The following TSPEAR variants were observed in gnomAD, a reference collection of about 807,000 sequenced individuals.
TSPEAR encodes thrombospondin type laminin G domain and EAR repeats.
In TSPEAR, 69 loss-of-function variants were observed where a neutral mutation model predicts 71.6. The ratio of observed to expected loss-of-function variants is 0.96; its 90% CI spans 0.79 to 1.18. The LOEUF (loss-of-function observed/expected upper bound fraction) is 1.18. Ranked by LOEUF, TSPEAR falls within the 50% of genes most tolerant of loss-of-function variation. TSPEAR has a pLI of 0.00. For missense variants in TSPEAR, 971 were observed against 894.9 expected, an observed-to-expected ratio of 1.09 and a Z score of -1.09; for synonymous variants, 402 against 387.2, an observed-to-expected ratio of 1.04 and a Z score of -0.45.
intron 2 of TSPEAR, chr21:44,551,200 G>T (rs781806951): frequency 3.2e-6 from 5 of 1,585,338 alleles, no homozygotes; most frequent in Middle Eastern, 1.7e-4. Flanking sequence ...CAGCAAGCCG[G>T]CTGGCAGCTA....
At chr21:44,646,889 C>G in intron 1 of TSPEAR, 1 of 1,612,348 alleles carries the variant, frequency 6.2e-7, no homozygotes, top group Non-Finnish European at 8.5e-7. Context: ...TCCTGCCAGC[C>G]GGCCTGCTGT....
At chr21:44,573,691 C>T in intron 1 of TSPEAR, 1 of 1,572,542 alleles carries the variant, frequency 6.4e-7, no homozygotes, top group Non-Finnish European at 8.6e-7. Context: ...ACCCGAGCAC[C>T]TCACTCACTC....
intron 1 of TSPEAR, among the ~76,000 whole-genome samples, chr21:44,706,370 T>C (rs1987917921): frequency 6.8e-6 from 1 of 147,908 alleles, no homozygotes; most frequent in Admixed American, 6.7e-5. Flanking sequence ...TGCACGCCCA[T>C]GCACGCACAC....
intron 7 of TSPEAR, among the ~76,000 whole-genome samples, chr21:44,526,232 G>A (rs1243095967): frequency 6.6e-6 from 1 of 152,178 alleles, no homozygotes; most frequent in Non-Finnish European, 1.5e-5. Flanking sequence ...GCAAAGCTGT[G>A]TCAGGGCAAT....
At chr21:44,602,082 C>A (rs916020917) in intron 1 of TSPEAR, 2 of 408,638 alleles carry the variant, frequency 4.9e-6, no homozygotes, top group African/African-American at 4.0e-5. Flanking sequence ...GAGCCCTGCT[C>A]CTCCCCTGCT....
At chr21:44,638,148 G>A in intron 1 of TSPEAR, 1 of 1,611,804 alleles carries the variant, frequency 6.2e-7, no homozygotes, top group Non-Finnish European at 8.5e-7. Context: ...TACAGCCTCT[G>A]CTCTGGCCAG....
chr21:44,539,153 G>T, intron 2 of TSPEAR: 1 of 1,358,960 alleles, frequency 7.4e-7, no homozygotes, highest in African/African-American at 1.5e-5. Context: ...AGGCTCCTGG[G>T]AGCAAGGAGG....
intron 2 of TSPEAR, among the ~76,000 whole-genome samples, chr21:44,548,434 C>G (rs1399230489): frequency 1.3e-5 from 2 of 152,142 alleles, no homozygotes; most frequent in African/African-American, 4.8e-5. Context: ...AACTCCACCC[C>G]CTTTGTTGGG....
At chr21:44,518,008 CTT>C (rs1357601990) in intron 9 of TSPEAR, among the ~76,000 whole-genome samples, 15 of 152,154 alleles carry the variant, frequency 9.9e-5, no homozygotes, top group Non-Finnish European at 1.9e-4. Context: ...GATTCTGTCT[CTT>C]TTCATTCTAC....
intron 1 of TSPEAR, chr21:44,697,600 G>C: frequency 6.2e-7 from 1 of 1,614,082 alleles, no homozygotes; most frequent in Non-Finnish European, 8.5e-7. Flanking sequence ...CATGCTGCCA[G>C]CAGTCTAGCT....
chr21:44,706,425 GCA>G lies in TSPEAR; in HGVS notation c.82+5006_82+5007del, dbSNP rs1342733288. 4.6e-5 allele frequency among the ~76,000 whole-genome samples: 7 copies of G among 151,162 alleles called. No individual in the cohort carries two copies. In the South Asian group the frequency reaches 8.4e-4, roughly 18 times the overall value. ...CACGCACCCATGCACACACACGCGC[GCA>G]CACACCCACGTGCGCACCCACATGT... On this transcript the variant is annotated intron_variant, in intron 1 of 11. Coordinates refer to ENST00000323084, the MANE Select transcript of TSPEAR (RefSeq NM_144991.3).
chr21:44,540,469 A>C (rs2053200490), intron 2 of TSPEAR, among the ~76,000 whole-genome samples: 1 of 152,100 alleles, frequency 6.6e-6, no homozygotes, highest in African/African-American at 2.4e-5. Context: ...CCAGCACGCC[A>C]CCAGTGCAGT....
At chr21:44,527,213 C>T (rs149254655) in intron 7 of TSPEAR, 79 bp downstream of exon 7, 1 of 1,374,494 alleles carries the variant, frequency 7.3e-7, no homozygotes, top group Admixed American at 1.8e-5. Flanking sequence ...CCTGCAGAAT[C>T]AGTGTAGGGG....
chr21:44,701,974 G>A (rs1436384081), intron 1 of TSPEAR, among the ~76,000 whole-genome samples: 9 of 152,216 alleles, frequency 5.9e-5, no homozygotes, highest in South Asian at 2.1e-4. Context: ...TTTTCCTTCC[G>A]TGAGATCCAC....
chr21:44,658,353 G>T, intron 1 of TSPEAR: 1 of 1,358,048 alleles, frequency 7.4e-7, no homozygotes, highest in Non-Finnish European at 1.0e-6. Flanking sequence ...TGCACACATA[G>T]GGCAGATGAA....
intron 1 of TSPEAR, chr21:44,600,608 G>A (rs780545702): frequency 1.2e-6 from 2 of 1,608,604 alleles, no homozygotes; most frequent in Non-Finnish European, 1.7e-6. Flanking sequence ...ATCTCCTCCA[G>A]TTCAATCCCC....
intron 1 of TSPEAR, among the ~76,000 whole-genome samples, chr21:44,703,099 G>A (rs782457575): frequency 4.1e-4 from 62 of 152,172 alleles, no homozygotes; most frequent in Non-Finnish European, 4.7e-4. Context: ...GCCATTGGCC[G>A]CCCTTGCCCA....
At chr21:44,565,728 A>G (rs2053694349) in intron 2 of TSPEAR, among the ~76,000 whole-genome samples, 1 of 152,222 alleles carries the variant, frequency 6.6e-6, no homozygotes, top group Admixed American at 6.5e-5. Flanking sequence ...TGTTAAGGGC[A>G]TCTATGAAGA....
intron 1 of TSPEAR, among the ~76,000 whole-genome samples, chr21:44,610,352 A>G (rs1346671885): frequency 6.6e-6 from 1 of 152,154 alleles, no homozygotes; most frequent in East Asian, 1.9e-4. Flanking sequence ...CCCATGCTGT[A>G]TGCAGCCTGG....
Sources: gnomAD v4.1 joint callset for allele counts (sites outside exome capture counted in the v4.1 genomes callset) on GRCh38, gnomAD v4.1.1 for gene constraint, MANE v1.5 for transcripts, NCBI Gene and HGNC (gene_info 2026-07-23, HGNC 2026-07-21) for gene names.